Variants in CDH18 observed in about 807,000 individuals in gnomAD.
CDH18 encodes the protein cadherin-18.
CDH18 carries 31 observed loss-of-function variants against 67.9 expected under a neutral mutation model. The ratio of observed to expected loss-of-function variants is 0.46; its 90% confidence interval spans 0.34 to 0.62. The LOEUF is 0.62. CDH18 is among the 20% of genes least tolerant of loss of function. The pLI, the probability that CDH18 is intolerant of heterozygous loss-of-function variation, is 0.01. For missense variants in CDH18, 890 were observed against 975.5 expected (o/e 0.91, Z 1.17); for synonymous variants, 362 against 347.2 (o/e 1.04, Z -0.48).
chr5:20,122,824 A>T (rs1020491421), intron 2 of CDH18, among the ~76,000 whole-genome samples: 4 of 148,002 alleles, frequency 2.7e-5, no homozygotes, highest in African/African-American at 9.8e-5. Context: ...ATATATATAT[A>T]TATACATATA....
intron 1 of CDH18, among the ~76,000 whole-genome samples, chr5:20,551,585 T>C (rs534858193): frequency 1.4e-3 from 206 of 152,232 alleles, no homozygotes; most frequent in Non-Finnish European, 2.5e-3. Context: ...TCAATTGGAG[T>C]TGAGTAACAA....
intron 2 of CDH18, among the ~76,000 whole-genome samples, chr5:19,977,801 C>T (rs1798641749): frequency 6.6e-6 from 1 of 151,738 alleles, no homozygotes. Context: ...TAAATTTTTC[C>T]CTATTTAGCA....
intron 5 of CDH18, among the ~76,000 whole-genome samples, chr5:19,709,935 G>A (rs933748228): frequency 6.6e-6 from 1 of 152,046 alleles, no homozygotes; most frequent in Admixed American, 6.6e-5. Context: ...AGGAGTTCAA[G>A]ACCAGCCTGG....
At chr5:20,020,349 A>G (rs1348834374) in intron 2 of CDH18, among the ~76,000 whole-genome samples, 2 of 152,208 alleles carry the variant, frequency 1.3e-5, no homozygotes, top group East Asian at 3.9e-4. Context: ...CATTTGCATA[A>G]GTAAACAGGA....
chr5:20,442,536 A>T (rs1749682907), intron 1 of CDH18, among the ~76,000 whole-genome samples: 1 of 151,912 alleles, frequency 6.6e-6, no homozygotes, highest in South Asian at 2.1e-4. Context: ...TGGCCCTGAG[A>T]GGCTCAATTA....
chr5:19,676,265 C>T (rs1759479376), intron 5 of CDH18, among the ~76,000 whole-genome samples: 1 of 152,020 alleles, frequency 6.6e-6, no homozygotes, highest in African/African-American at 2.4e-5. Context: ...AACTTTAAAA[C>T]TTTTTTGAGA....
intron 2 of CDH18, among the ~76,000 whole-genome samples, chr5:20,052,389 A>G (rs932438148): frequency 9.9e-5 from 15 of 152,124 alleles, no homozygotes; most frequent in Non-Finnish European, 1.9e-4. Context: ...TTCAGTTGAC[A>G]TACTATCAGT....
At position 20,491,101 on chromosome 5, in the gene CDH18, T is replaced by G. The variant is rs532011746; in HGVS notation, c.-580+84361A>C. On this transcript the variant is annotated intron_variant, in intron 1 of 14. Transcript: ENST00000507958. ...AAAGCATACATTATATTTTTAGTTTTTAAATATTTTTACAAATTAGCATCC... is the reference window on the plus strand; with the variant it reads ...AAAGCATACATTATATTTTTAGTTTGTAAATATTTTTACAAATTAGCATCC... Among the ~76,000 whole-genome samples the G allele has an allele frequency of 3.3e-5, 5 of 152,058 alleles. No individual in the cohort carries two copies. The South Asian group carries it at 1.0e-3, about 32-fold the overall frequency.
At chr5:19,716,924 CAT>C (rs1292992234) in intron 5 of CDH18, among the ~76,000 whole-genome samples, 3 of 151,780 alleles carry the variant, frequency 2.0e-5, no homozygotes, top group Non-Finnish European at 2.9e-5. Flanking sequence ...GAGTTTAAAA[CAT>C]AAACACGCAA....
chr5:20,095,940 C>CCTATTG (rs1745955287), intron 2 of CDH18, among the ~76,000 whole-genome samples: 1 of 150,438 alleles, frequency 6.6e-6, no homozygotes, highest in Admixed American at 6.6e-5. Context: ...GGCTGAACTG[C>CCTATTG]AAAATAGGTC....
At chr5:19,813,353 T>C (rs1278366256) in intron 3 of CDH18, among the ~76,000 whole-genome samples, 1 of 151,794 alleles carries the variant, frequency 6.6e-6, no homozygotes, top group African/African-American at 2.4e-5. Context: ...TGTCAGATTC[T>C]ATAAAAAAAC....
At chr5:19,681,749 C>T (rs947085180) in intron 5 of CDH18, among the ~76,000 whole-genome samples, 2 of 151,882 alleles carry the variant, frequency 1.3e-5, no homozygotes, top group Non-Finnish European at 2.9e-5. Context: ...ACTTACTGTG[C>T]TGCATCATAT....
intron 1 of CDH18, among the ~76,000 whole-genome samples, chr5:20,368,645 T>G (rs1447162911): frequency 2.0e-5 from 3 of 152,196 alleles, no homozygotes; most frequent in Non-Finnish European, 4.4e-5. Context: ...GGAGAGGCAG[T>G]GCTAAAATTT....
At chr5:19,553,444 A>T (rs1737810604) in intron 8 of CDH18, among the ~76,000 whole-genome samples, 1 of 151,742 alleles carries the variant, frequency 6.6e-6, no homozygotes, top group South Asian at 2.1e-4. Context: ...TAAATAAAGT[A>T]TAGAAGACCT....
intron 6 of CDH18, among the ~76,000 whole-genome samples, chr5:19,592,220 T>C (rs1488738964): frequency 2.0e-5 from 3 of 151,986 alleles, no homozygotes; most frequent in Admixed American, 2.0e-4. Flanking sequence ...ATTAGATAGA[T>C]AGCTAACAAT....
intron 3 of CDH18, among the ~76,000 whole-genome samples, chr5:19,807,673 C>T (rs1310067487): frequency 1.3e-5 from 2 of 152,148 alleles, no homozygotes; most frequent in African/African-American, 2.4e-5. Context: ...ACCACGAACA[C>T]TTATCCATTC....
chr5:20,286,972 C>A (rs1449783211), intron 1 of CDH18, among the ~76,000 whole-genome samples: 1 of 151,672 alleles, frequency 6.6e-6, no homozygotes, highest in Non-Finnish European at 1.5e-5. Flanking sequence ...GTTTTGAGTA[C>A]CTTTTTTTCC....
chr5:20,157,018 C>T (rs1751584140), intron 2 of CDH18, among the ~76,000 whole-genome samples: 1 of 151,986 alleles, frequency 6.6e-6, no homozygotes, highest in South Asian at 2.1e-4. Context: ...GTTTTTTGAC[C>T]TGAGAACTGT....
At chr5:20,193,689 C>T (rs1396123058) in intron 2 of CDH18, among the ~76,000 whole-genome samples, 1 of 152,012 alleles carries the variant, frequency 6.6e-6, no homozygotes, top group Non-Finnish European at 1.5e-5. Flanking sequence ...AACACTGATG[C>T]CAAAATCCCC....
Sources: gnomAD v4.1 joint callset for allele counts (sites outside exome capture counted in the v4.1 genomes callset) on GRCh38, gnomAD v4.1.1 for gene constraint, MANE v1.5 for transcripts, NCBI Gene and HGNC (gene_info 2026-07-23, HGNC 2026-07-21) for gene names.